NEMP2: variants seen among roughly 807,000 people sequenced by gnomAD.
NEMP2 encodes the protein nuclear envelope integral membrane protein 2.
In NEMP2, 53 loss-of-function variants were observed where a neutral mutation model predicts 54.2. The observed-to-expected ratio is 0.98, with a 90% CI of 0.78 to 1.23. The LOEUF (loss-of-function observed/expected upper bound fraction) is 1.23. Ranked by LOEUF, NEMP2 falls within the 50% of genes most tolerant of loss-of-function variation. The probability of loss-of-function intolerance (pLI) is 0.00; values close to 1 mark genes in which losing one functional copy is unlikely to be tolerated. For missense variants in NEMP2, 455 were observed against 511.3 expected, an observed-to-expected ratio of 0.89 and a Z score of 1.06; for synonymous variants, 197 against 190.3, an observed-to-expected ratio of 1.04 and a Z score of -0.29.
At chr2:190,619,942 CGGT>C in the NEMP2 span, among the ~76,000 whole-genome samples, 1 of 152,190 alleles carries the variant, frequency 6.6e-6, no homozygotes, top group African/African-American at 2.4e-5. The surrounding 1 kb of genome is among the most constrained non-coding windows in gnomAD (Gnocchi z 5.5). Context: ...GTTTTTACCT[CGGT>C]GGCCAGCCCT....
chr2:190,635,046 T>C, the NEMP2 span, among the ~76,000 whole-genome samples: 1 of 152,212 alleles, frequency 6.6e-6, no homozygotes, highest in Non-Finnish European at 1.5e-5. This position sits in a 1 kb window ranked among gnomAD's most constrained non-coding sequence, Gnocchi z 4.1. Context: ...CCACGTGATT[T>C]GAGGATTTTG....
the NEMP2 span, among the ~76,000 whole-genome samples, chr2:190,574,893 C>T: frequency 1.3e-5 from 2 of 148,872 alleles, no homozygotes; most frequent in Admixed American, 6.8e-5. Flanking sequence ...CTCACGCTGT[C>T]GCCCAGGCTG....
At chr2:190,462,540 T>C in the NEMP2 span, among the ~76,000 whole-genome samples, 1 of 152,130 alleles carries the variant, frequency 6.6e-6, no homozygotes, top group African/African-American at 2.4e-5. The surrounding 1 kb of genome is among the most constrained non-coding windows in gnomAD (Gnocchi z 5.7). Context: ...TCTTTTTGAG[T>C]ACAAAGAGGA....
chr2:190,493,448 C>T, the NEMP2 span, among the ~76,000 whole-genome samples: 3 of 152,262 alleles, frequency 2.0e-5, no homozygotes, highest in South Asian at 2.1e-4. Flanking sequence ...GACGTCAGTA[C>T]TCCACTGACA....
rs1379384286 is a variant in NEMP2 at position 190,505,120 on chromosome 2, T to C, written c.*4069A>G. On this transcript the variant is annotated 3_prime_UTR_variant, in exon 9 of 9. Transcript: ENST00000409150. This position sits in a 1 kb window ranked among gnomAD's most constrained non-coding sequence, Gnocchi z 5.8. ...TCCATTGCTGCGGGGCACAAATGACTGGTATGTGTATAACATCAGCAGATG... is the reference window on the plus strand; with the variant it reads ...TCCATTGCTGCGGGGCACAAATGACCGGTATGTGTATAACATCAGCAGATG... 6.6e-6 allele frequency: 1 copy of C among 152,206 alleles called. No homozygotes were observed. Among genetic ancestry groups the C allele is most frequent in the Non-Finnish European group, 1.5e-5 (1 of 68,046 alleles). The allele number at this position is 152,206 out of a possible 1,614,324, so 9.4% of individuals were successfully genotyped here. A position where few individuals can be genotyped will look rare whatever the true frequency, so the allele number is the denominator to read the frequency against.
At chr2:190,569,166 G>A in the NEMP2 span, among the ~76,000 whole-genome samples, 4 of 152,158 alleles carry the variant, frequency 2.6e-5, no homozygotes, top group East Asian at 3.9e-4. Context: ...GAGCTATTTG[G>A]CTTTTAAAGC....
the NEMP2 span, among the ~76,000 whole-genome samples, chr2:190,480,036 G>A: frequency 1.3e-5 from 2 of 152,152 alleles, no homozygotes; most frequent in African/African-American, 4.8e-5. Flanking sequence ...GGTGGCATGC[G>A]CCTGTGGTCC....
chr2:190,495,636 G>C, the NEMP2 span, among the ~76,000 whole-genome samples: 10 of 152,250 alleles, frequency 6.6e-5, no homozygotes, highest in Non-Finnish European at 7.4e-5. This position sits in a 1 kb window ranked among gnomAD's most constrained non-coding sequence, Gnocchi z 4.7. Flanking sequence ...CATGGTACTG[G>C]TATAAAAACT....
the NEMP2 span, among the ~76,000 whole-genome samples, chr2:190,451,578 T>C: frequency 6.6e-6 from 1 of 152,194 alleles, no homozygotes; most frequent in Non-Finnish European, 1.5e-5. The surrounding 1 kb of genome is among the most constrained non-coding windows in gnomAD (Gnocchi z 5.0). Flanking sequence ...AGGGCAAAAG[T>C]AAGACAGAGT....
chr2:190,588,616 A>C, the NEMP2 span, among the ~76,000 whole-genome samples: 1 of 152,144 alleles, frequency 6.6e-6, no homozygotes, highest in Non-Finnish European at 1.5e-5. The surrounding 1 kb of genome is among the most constrained non-coding windows in gnomAD (Gnocchi z 5.0). Flanking sequence ...GACCTTGTGG[A>C]TGGGGTCCTT....
the NEMP2 span, chr2:190,435,307 A>G: frequency 1.3e-5 from 2 of 152,270 alleles, no homozygotes; most frequent in African/African-American, 4.8e-5. Context: ...TTTTAATCTT[A>G]TCTGATACAG....
Position 190,510,752 on chromosome 2 carries a change from T to G in NEMP2, c.954-215A>C, listed in dbSNP as rs6727669. Among the ~76,000 whole-genome samples, 107,401 of 151,672 alleles carry G rather than the reference T, an allele frequency of 0.71. 39,197 individuals are homozygous for G. Among genetic ancestry groups the G allele is most frequent in the Admixed American group, 0.79 (12,067 of 15,272 alleles). ...AAAAATTAGCTGAGCATGGTGGTGG[T>G]CGCCTGTAGTCCCAGCTACTTGGGA... On this transcript the variant is annotated intron_variant, in intron 7 of 8. Transcript: ENST00000409150. This position sits in a 1 kb window ranked among gnomAD's most constrained non-coding sequence, Gnocchi z 5.7.
At chr2:190,458,333 C>T in the NEMP2 span, among the ~76,000 whole-genome samples, 3 of 151,972 alleles carry the variant, frequency 2.0e-5, no homozygotes, top group East Asian at 1.9e-4. The surrounding 1 kb of genome is among the most constrained non-coding windows in gnomAD (Gnocchi z 5.3). Context: ...GCAGTGTCCT[C>T]GTGAGAAGAG....
At chr2:190,487,227 G>C in the NEMP2 span, among the ~76,000 whole-genome samples, 4 of 152,150 alleles carry the variant, frequency 2.6e-5, no homozygotes, top group African/African-American at 9.7e-5. This position sits in a 1 kb window ranked among gnomAD's most constrained non-coding sequence, Gnocchi z 5.5. Context: ...TGTAGTCCCA[G>C]CTACTTGGGA....
At chr2:190,584,060 T>C in the NEMP2 span, among the ~76,000 whole-genome samples, 1 of 152,092 alleles carries the variant, frequency 6.6e-6, no homozygotes, top group African/African-American at 2.4e-5. The surrounding 1 kb of genome is among the most constrained non-coding windows in gnomAD (Gnocchi z 4.2). Context: ...AAAATGTGCT[T>C]CCCCTCTGTT....
At chr2:190,563,365 C>T in the NEMP2 span, among the ~76,000 whole-genome samples, 11 of 152,156 alleles carry the variant, frequency 7.2e-5, no homozygotes, top group Non-Finnish European at 1.6e-4. This position sits in a 1 kb window ranked among gnomAD's most constrained non-coding sequence, Gnocchi z 4.3. Context: ...CGCAGGTAGA[C>T]GTTTTCACAC....
In NEMP2 at chr2:190,523,255, A is replaced by G. The variant is rs1186996758; in HGVS notation, c.213+2008T>C. On this transcript the variant is annotated intron_variant, in intron 2 of 8. Coordinates refer to ENST00000409150, the MANE Select transcript of NEMP2 (RefSeq NM_001142645.2). The surrounding 1 kb of genome is among the most constrained non-coding windows in gnomAD (Gnocchi z 5.3). ...TAACCTAAAATACACAACCTCCGAAAAAGATTTTAAAAAAACACTATAAAT... is the reference window on the plus strand; with the variant it reads ...TAACCTAAAATACACAACCTCCGAAGAAGATTTTAAAAAAACACTATAAAT... Among the ~76,000 whole-genome samples, 3 of 152,220 alleles carry G rather than the reference A, an allele frequency of 2.0e-5. No homozygotes were observed. The highest frequency in any genetic ancestry group is 6.5e-5 in the Admixed American group (1 of 15,284).
the NEMP2 span, chr2:190,568,123 AG>A: frequency 1.3e-5 from 2 of 152,246 alleles, no homozygotes; most frequent in Non-Finnish European, 2.9e-5. The surrounding 1 kb of genome is among the most constrained non-coding windows in gnomAD (Gnocchi z 4.7). Flanking sequence ...AAAACAAGAA[AG>A]AGGAAGACAT....
chr2:190,584,842 C>T, the NEMP2 span, among the ~76,000 whole-genome samples: 1 of 150,858 alleles, frequency 6.6e-6, no homozygotes, highest in Non-Finnish European at 1.5e-5. This position sits in a 1 kb window ranked among gnomAD's most constrained non-coding sequence, Gnocchi z 4.2. Flanking sequence ...CACCACTGCT[C>T]TCCAGCCTAA....
Sources: allele counts gnomAD v4.1 joint callset (sites outside exome capture counted in the v4.1 genomes callset), GRCh38; gene constraint gnomAD v4.1.1; non-coding constraint Gnocchi (gnomAD v3.1); transcripts MANE v1.5; gene names NCBI Gene and HGNC (gene_info 2026-07-23, HGNC 2026-07-21).